Variants in MBNL2 observed in about 807,000 individuals in gnomAD.
MBNL2 encodes muscleblind-like protein 2.
In MBNL2, 17 loss-of-function variants were observed where a neutral mutation model predicts 41.9. The observed-to-expected ratio is 0.41, with a 90% CI of 0.28 to 0.61. The LOEUF (loss-of-function observed/expected upper bound fraction) is 0.61, where lower values mean the gene tolerates loss of function less well. MBNL2 is among the 20% of genes least tolerant of loss of function. The pLI, the probability that MBNL2 is intolerant of heterozygous loss-of-function variation, is 0.35. For missense variants in MBNL2, 336 were observed against 505.6 expected, an observed-to-expected ratio of 0.66 and a Z score of 3.22; for synonymous variants, 195 against 182.9, an observed-to-expected ratio of 1.07 and a Z score of -0.53.
chr13:97,190,378 A>G, the MBNL2 span, among the ~76,000 whole-genome samples: 1 of 152,252 alleles, frequency 6.6e-6, no homozygotes, highest in Non-Finnish European at 1.5e-5. Context: ...TGCTATTTAT[A>G]ACAATAGAGG....
rs1376866717 is a variant in MBNL2, at chr13:97,392,464, T to G, written c.*1015T>G. The G allele has an allele frequency of 6.6e-6, 1 of 152,600 alleles. No homozygotes were observed. Among genetic ancestry groups the G allele is most frequent in the East Asian group, 1.9e-4 (1 of 5,206 alleles). 9.5% of individuals were successfully genotyped at this position (152,600 alleles called of 1,614,324 possible). ...AAAAGTTGGATTAAAGGGTTGTAAC[T>G]GACTACAGCATGGAAAAAAATAGTT... On this transcript the variant is annotated 3_prime_UTR_variant, in exon 9 of 9. Coordinates refer to ENST00000679496, the MANE Select transcript of MBNL2 (RefSeq NM_001382683.1).
At chr13:97,159,104 T>G in the MBNL2 span, among the ~76,000 whole-genome samples, 243 of 152,024 alleles carry the variant, frequency 1.6e-3, no homozygotes, top group African/African-American at 5.5e-3. Context: ...TATATATTTA[T>G]GATAGTTAGC....
intron 2 of MBNL2, among the ~76,000 whole-genome samples, chr13:97,296,971 A>C (rs2057101005): frequency 6.6e-6 from 1 of 152,208 alleles, no homozygotes; most frequent in South Asian, 2.1e-4. Flanking sequence ...TCAGATAGGA[A>C]AGGGCATCCC....
At chr13:97,148,095 C>T in the MBNL2 span, among the ~76,000 whole-genome samples, 4 of 152,112 alleles carry the variant, frequency 2.6e-5, no homozygotes, top group African/African-American at 4.8e-5. Flanking sequence ...AGATGCTGAG[C>T]GACCGGTTAC....
At chr13:97,163,183 C>T in the MBNL2 span, among the ~76,000 whole-genome samples, 1 of 152,212 alleles carries the variant, frequency 6.6e-6, no homozygotes, top group Admixed American at 6.5e-5. Flanking sequence ...TGAAGGATAA[C>T]ATCTTTGGTG....
At position 97,286,170 on chromosome 13, in the gene MBNL2, T is replaced by C. The variant is rs190298306; in HGVS notation, c.174+9761T>C. On this transcript the variant is annotated intron_variant, in intron 2 of 8. Transcript: ENST00000679496. ...TGTATTCAACTGCTTACCTGACATA[T>C]CTACTTGGATATTTATTTAATGACA... Among the ~76,000 whole-genome samples the C allele has an allele frequency of 5.3e-5, 8 of 152,352 alleles. No individual in the cohort carries two copies. In the East Asian group the frequency reaches 1.3e-3, roughly 26 times the overall value.
At chr13:97,310,331 T>C (rs948060529) in intron 2 of MBNL2, among the ~76,000 whole-genome samples, 2 of 152,224 alleles carry the variant, frequency 1.3e-5, no homozygotes, top group Non-Finnish European at 2.9e-5. Context: ...CAATGCTAAT[T>C]ATGTGAAGTT....
At chr13:97,188,596 A>T in the MBNL2 span, among the ~76,000 whole-genome samples, 1 of 152,032 alleles carries the variant, frequency 6.6e-6, no homozygotes, top group Non-Finnish European at 1.5e-5. Flanking sequence ...TGATGCACGT[A>T]TAATTCCCCC....
intron 2 of MBNL2, among the ~76,000 whole-genome samples, chr13:97,276,768 G>A (rs1005380761): frequency 2.0e-5 from 3 of 151,126 alleles, no homozygotes; most frequent in Non-Finnish European, 4.4e-5. Flanking sequence ...TCACTTTTAA[G>A]TGCCAGTTAT....
At chr13:97,357,392 A>T in intron 6 of MBNL2, 90 bp from the exon 7 acceptor site, 3 of 1,122,408 alleles carry the variant, frequency 2.7e-6, no homozygotes, top group Non-Finnish European at 4.0e-6. Context: ...TGTCATTTTT[A>T]AAAAGAATGT....
rs1256523712 is a variant in MBNL2 at position 97,315,488 on chromosome 13, A to G, written c.175-18788A>G. 2.6e-5 allele frequency among the ~76,000 whole-genome samples: 4 copies of G among 152,342 alleles called. No homozygotes were observed. The East Asian group carries it at 5.8e-4, about 22-fold the overall frequency. ...TCTGACATCAATACTGATATTGATA[A>G]TGGTTAATAGCAGGCATTAGGGGTT... On this transcript the variant is annotated intron_variant, in intron 2 of 8. Coordinates refer to ENST00000679496, the MANE Select transcript of MBNL2 (RefSeq NM_001382683.1).
the MBNL2 span, among the ~76,000 whole-genome samples, chr13:97,179,149 C>T: frequency 1.3e-5 from 2 of 152,170 alleles, no homozygotes; most frequent in African/African-American, 4.8e-5. Flanking sequence ...CCTCCCTTAA[C>T]GTAATGCACC....
the MBNL2 span, among the ~76,000 whole-genome samples, chr13:97,169,619 C>T: frequency 6.6e-6 from 1 of 152,220 alleles, no homozygotes; most frequent in Admixed American, 6.5e-5. Context: ...GAAATGACCA[C>T]ATAATAGTCT....
At chr13:97,261,028 A>G (rs906577358) in intron 1 of MBNL2, among the ~76,000 whole-genome samples, 9 of 152,102 alleles carry the variant, frequency 5.9e-5, no homozygotes, top group African/African-American at 1.7e-4. Context: ...CCAGTAATCT[A>G]TCAGTTGGCT....
At chr13:97,304,358 T>G (rs1350584485) in intron 2 of MBNL2, among the ~76,000 whole-genome samples, 2 of 152,230 alleles carry the variant, frequency 1.3e-5, no homozygotes, top group Non-Finnish European at 2.9e-5. Context: ...TGACTATTCA[T>G]ATGAGTTTAA....
At chr13:97,339,781 A>AGGCT (rs1273403712) in intron 3 of MBNL2, among the ~76,000 whole-genome samples, 1 of 150,790 alleles carries the variant, frequency 6.6e-6, no homozygotes, top group East Asian at 1.9e-4. Context: ...TAGAAGGCCC[A>AGGCT]GGCTGGCTGT....
chr13:97,200,827 A>C, the MBNL2 span, among the ~76,000 whole-genome samples: 6 of 151,838 alleles, frequency 4.0e-5, no homozygotes, highest in East Asian at 7.8e-4. Context: ...CTGGAGAAAA[A>C]CTCCAGTTGC....
the MBNL2 span, among the ~76,000 whole-genome samples, chr13:97,168,576 C>T: frequency 1.3e-5 from 2 of 152,086 alleles, no homozygotes; most frequent in Non-Finnish European, 2.9e-5. Flanking sequence ...GAAAACCAGC[C>T]ATGAGAGTCT....
chr13:97,289,568 G>A (rs561686656), intron 2 of MBNL2, among the ~76,000 whole-genome samples: 4 of 152,212 alleles, frequency 2.6e-5, no homozygotes, highest in Non-Finnish European at 4.4e-5. Context: ...TGAGTGGTAT[G>A]TAAAGTCAAG....
Sources: allele counts gnomAD v4.1 joint callset (sites outside exome capture counted in the v4.1 genomes callset), GRCh38; gene constraint gnomAD v4.1.1; transcripts MANE v1.5; gene names NCBI Gene and HGNC (gene_info 2026-07-23, HGNC 2026-07-21).